The following AKNA variants were observed in gnomAD, a reference collection of about 807,000 sequenced individuals.
AKNA encodes the protein microtubule organization protein AKNA.
AKNA carries 67 observed loss-of-function variants against 138.8 expected under a neutral mutation model. That is an observed-to-expected ratio of 0.48 (90% CI 0.40 to 0.59). The LOEUF (loss-of-function observed/expected upper bound fraction) is 0.59. Among genes scored for constraint, AKNA ranks in the 20% least tolerant of loss-of-function variants. The pLI, the probability that AKNA is intolerant of heterozygous loss-of-function variation, is 0.00. For missense variants in AKNA, 1,813 were observed against 1,880.4 expected (o/e 0.96, Z 0.66); for synonymous variants, 737 against 754.4 (o/e 0.98, Z 0.38).
chr9:114,377,531 C>G lies in AKNA; in HGVS notation c.276G>C (p.Glu92Asp), dbSNP rs1203307645. 1.3e-5 allele frequency: 20 copies of G among 1,591,138 alleles called. No homozygotes were observed. The highest frequency in any genetic ancestry group is 1.6e-5 in the Non-Finnish European group (19 of 1,168,588). Reference sequence around the variant, plus strand: ...GGCTGTCCACATCCTCTGCTTCAGCCTCTGGAAAGACAGGCCATTCACTTC... The same window carrying G: ...GGCTGTCCACATCCTCTGCTTCAGCGTCTGGAAAGACAGGCCATTCACTTC... ...DSESGETSGE[E>D]AEAEDVDSPA... Residue 92 changes from glutamate (E) to aspartate (D), a missense_variant and splice_region_variant, in exon 3 of 22, where the codon GAG becomes GAC. Physicochemically the swap from Glu to Asp is conservative, Grantham distance 45. Coordinates refer to ENST00000374088, the MANE Select transcript of AKNA (RefSeq NM_001317950.2).
intron 21 of AKNA, among the ~76,000 whole-genome samples, chr9:114,340,626 G>A (rs1443258237): frequency 6.6e-6 from 1 of 152,188 alleles, no homozygotes; most frequent in Admixed American, 6.5e-5. Context: ...TTTAACAGAT[G>A]GGGAAGTGGA....
rs200015559 is a variant in AKNA at position 114,347,893 on chromosome 9, T to C, written c.3229A>G (p.Ile1077Val). 33 of 1,551,634 alleles carry C rather than the reference T, an allele frequency of 2.1e-5. No homozygotes were observed. In the Admixed American group the frequency reaches 2.9e-4, roughly 14 times the overall value. Residue 1077 changes from isoleucine (I) to valine (V), a missense_variant, in exon 16 of 22, where the codon ATC becomes GTC. Physicochemically the swap from Ile to Val is conservative, Grantham distance 29 (BLOSUM62 3). Coordinates refer to ENST00000374088, the MANE Select transcript of AKNA (RefSeq NM_001317950.2). ...LLTRAGRDQA[I>V]CELQEEVSRL... The stretch of plus-strand genomic sequence containing the variant: ...GACACCTCTTCTTGCAGCTCACAGA[T>C]GGCCTGGCTGGGGTTGGAGTGGAGA...
chr9:114,395,037 T>C (rs774763216), upstream of AKNA, among the ~76,000 whole-genome samples: 1 of 152,024 alleles, frequency 6.6e-6, no homozygotes, highest in African/African-American at 2.4e-5. Context: ...CACTCGGCAA[T>C]GGAGCTGGAG....
chr9:114,356,189 C>A, intron 13 of AKNA, 53 bp from the exon 14 acceptor site: 1 of 1,537,208 alleles, frequency 6.5e-7, no homozygotes, highest in South Asian at 1.2e-5. Flanking sequence ...GTGAGACACT[C>A]AGGCGGCAGC....
At chr9:114,383,369 T>C (rs913537697) in intron 1 of AKNA, among the ~76,000 whole-genome samples, 4 of 152,200 alleles carry the variant, frequency 2.6e-5, no homozygotes, top group African/African-American at 7.2e-5. Context: ...ATGCCAGCAC[T>C]GAGCCAGGCC....
chr9:114,385,233 T>A (rs1833947267), intron 1 of AKNA, among the ~76,000 whole-genome samples: 1 of 152,228 alleles, frequency 6.6e-6, no homozygotes, highest in Admixed American at 6.5e-5. Context: ...TGGAAATCCC[T>A]GCCAGGGATC....
chr9:114,349,083 C>G (rs143983133), intron 15 of AKNA: 2 of 417,982 alleles, frequency 4.8e-6, no homozygotes, highest in Admixed American at 2.5e-5. Flanking sequence ...GGCAAAGCCA[C>G]GAGGGCAAGT....
At chr9:114,346,626 G>C (rs761000790) in intron 17 of AKNA, 43 bp downstream of exon 17, 1 of 1,512,308 alleles carries the variant, frequency 6.6e-7, no homozygotes, top group East Asian at 2.3e-5. Context: ...AACATGCTCA[G>C]ACTGTGGCCT....
Position 114,375,825 on chromosome 9 carries a change from G to A in AKNA, c.1341+641C>T, listed in dbSNP as rs1277564247. On this transcript the variant is annotated intron_variant, in intron 3 of 21. Coordinates refer to ENST00000374088, the MANE Select transcript of AKNA (RefSeq NM_001317950.2). ...AGCAGAAGTTGAAAAGAAGCAAACAGATCATCCTTGAAACACGAGTACAAT... is the reference window on the plus strand; with the variant it reads ...AGCAGAAGTTGAAAAGAAGCAAACAAATCATCCTTGAAACACGAGTACAAT... 8.2e-6 allele frequency: 3 copies of A among 366,570 alleles called. No individual in the cohort carries two copies. The Admixed American group carries it at 1.1e-4, about 13-fold the overall frequency. The allele number at this position is 366,570 out of a possible 1,614,324, so 22.7% of individuals were successfully genotyped here. A position where few individuals can be genotyped will look rare whatever the true frequency, so the allele number is the denominator to read the frequency against.
rs1833646715 is a variant in AKNA at position 114,381,244 on chromosome 9, C to G, written c.90G>C (p.Lys30Asn). Residue 30 changes from lysine (K) to asparagine (N), a missense_variant, in exon 2 of 22, where the codon AAG (lysine) becomes AAC (asparagine). Coordinates refer to ENST00000374088, the MANE Select transcript of AKNA (RefSeq NM_001317950.2). ...QRRRWAWAED[K>N]RDVDRSSSQS... is the part of the protein sequence containing the mutation. ...GTGAACTACTTCTATCCACATCCCT[C>G]TTGTCCTCGGCCCAGGCCCAGCGCC... The G allele has an allele frequency of 6.2e-7, 1 of 1,614,046 alleles. No homozygotes were observed. The highest frequency in any genetic ancestry group is 1.3e-5 in the African/African-American group (1 of 74,938).
intron 19 of AKNA, among the ~76,000 whole-genome samples, 173 bp downstream of exon 19, chr9:114,343,535 T>G (rs534247413): frequency 1.3e-5 from 2 of 152,346 alleles, no homozygotes; most frequent in African/African-American, 4.8e-5. Flanking sequence ...CAGCAGCACC[T>G]GAAGCAACAG....
At chr9:114,345,826 G>A in intron 18 of AKNA, 37 bp downstream of exon 18, 1 of 1,604,442 alleles carries the variant, frequency 6.2e-7, no homozygotes, top group African/African-American at 1.3e-5. Context: ...GCTGACACCA[G>A]GAGCTGCACC....
chr9:114,381,557 G>T, intron 1 of AKNA, 111 bp from the exon 2 acceptor site: 1 of 1,119,452 alleles, frequency 8.9e-7, no homozygotes, highest in Non-Finnish European at 1.1e-6. Flanking sequence ...TCAACTCCTG[G>T]TTGTGTCCTC....
chr9:114,341,665 C>T lies in AKNA; in HGVS notation c.3935G>A (p.Ser1312Asn), dbSNP rs142984536. Residue 1312 changes from serine to asparagine, a missense_variant, in exon 21 of 22, where the codon AGC (serine) becomes AAC (asparagine). Transcript: ENST00000374088. ...GCGTGGCGACGACCCCGCCTGCTTG[C>T]TCCTCTGCTTGGGGCTGGGAGTTGA... is the stretch of plus-strand genomic sequence containing the variant. ...ASSTPSPKQR[S>N]KQAGSSPRPP... 56 of 1,608,268 alleles carry T rather than the reference C, an allele frequency of 3.5e-5. No homozygotes were observed. The highest frequency in any genetic ancestry group is 5.9e-6 in the Non-Finnish European group (7 of 1,177,968).
chr9:114,370,205 C>G (rs1003185136), intron 4 of AKNA, among the ~76,000 whole-genome samples: 1 of 152,240 alleles, frequency 6.6e-6, no homozygotes, highest in Non-Finnish European at 1.5e-5. Flanking sequence ...CCGCCTCCCC[C>G]TCTTTCAGGC....
rs1427448376 is a variant in AKNA, at chr9:114,367,551, G to T, written c.1720C>A (p.Leu574Met). The T allele has an allele frequency of 4.3e-6, 7 of 1,613,310 alleles. No individual in the cohort carries two copies. Among genetic ancestry groups the T allele is most frequent in the Non-Finnish European group, 8.5e-7 (1 of 1,179,922 alleles). The change falls in exon 6 of 22, where the codon CTG becomes ATG. Residue 574 changes from leucine to methionine, a missense_variant. Transcript: ENST00000374088. ...GCTGGGAGTCCACTCACCTTGGCCA[G>T]GAACTGGCTGGCCTGAGAAGCCAGT... Reference protein sequence around the residue: ...QALASQASQFLAKVESFERLI... With the variant: ...QALASQASQFMAKVESFERLI...
chr9:114,330,974 T>C (rs1183276465), downstream of AKNA: 10 of 836,644 alleles, frequency 1.2e-5, no homozygotes, highest in Admixed American at 9.6e-5. Context: ...AAATAACCAC[T>C]AACATTTTTG....
chr9:114,358,005 A>G lies in AKNA; in HGVS notation c.2655T>C (p.Ser885=). ...CGCTTCCCTCCAGGCTGGTCATACT[A>G]CTTTGGTGGGATGCTGCGGACTTGG... is the stretch of plus-strand genomic sequence containing the variant. ...PGTKSAASHQ[S]SMTSLEGSGI... The change falls in exon 12 of 22, where the codon AGT becomes AGC. Residue 885 remains serine, a synonymous_variant. Transcript: ENST00000374088. The G allele has an allele frequency of 7.5e-6, 12 of 1,609,734 alleles. No homozygotes were observed. The highest frequency in any genetic ancestry group is 1.0e-5 in the Non-Finnish European group (12 of 1,177,222).
upstream of AKNA, among the ~76,000 whole-genome samples, chr9:114,388,361 T>C (rs1188626552): frequency 6.6e-6 from 1 of 152,174 alleles, no homozygotes; most frequent in African/African-American, 2.4e-5. Context: ...GGCCTGACCT[T>C]AGCCGAGGCT....
Sources: gnomAD v4.1 joint callset for allele counts (sites outside exome capture counted in the v4.1 genomes callset) on GRCh38, gnomAD v4.1.1 for gene constraint, MANE v1.5 for transcripts, NCBI Gene and HGNC (gene_info 2026-07-23, HGNC 2026-07-21) for gene names.